Variants in PCDH15 observed in about 807,000 individuals in gnomAD.
The protein encoded by PCDH15 is protocadherin-15.
PCDH15 carries 129 observed loss-of-function variants against 178.5 expected under a neutral mutation model. That is an observed-to-expected ratio of 0.72 (90% CI 0.63 to 0.84). PCDH15 has a LOEUF of 0.84. Ranked by LOEUF, PCDH15 falls within the 40% of genes least tolerant of loss-of-function variation. PCDH15 has a pLI of 0.00. For missense variants in PCDH15, 2,230 were observed against 2,099.9 expected, an observed-to-expected ratio of 1.06 and a Z score of -1.21; for synonymous variants, 800 against 732.0, an observed-to-expected ratio of 1.09 and a Z score of -1.50.
intron 2 of PCDH15, among the ~76,000 whole-genome samples, chr10:55,004,498 C>A (rs1839875217): frequency 6.6e-6 from 1 of 152,152 alleles, no homozygotes; most frequent in Admixed American, 6.5e-5. Flanking sequence ...AGAATTGAAA[C>A]CTACCAGATC....
intron 23 of PCDH15, among the ~76,000 whole-genome samples, chr10:53,949,061 T>G (rs1036720675): frequency 6.6e-6 from 1 of 152,240 alleles, no homozygotes; most frequent in Non-Finnish European, 1.5e-5. Context: ...CTGTTTGGAC[T>G]TGAGTCCTTT....
At chr10:54,421,862 T>TACACACACTATATATATATATACAC (rs1955482482) in intron 3 of PCDH15, among the ~76,000 whole-genome samples, 1 of 113,976 alleles carries the variant, frequency 8.8e-6, no homozygotes, top group Admixed American at 8.9e-5. Context: ...TATATATATA[T>TACACACACTATATATATATATACAC]ACACACACTA....
At chr10:54,845,445 A>AT (rs1325626614) in intron 3 of PCDH15, among the ~76,000 whole-genome samples, 1 of 152,048 alleles carries the variant, frequency 6.6e-6, no homozygotes, top group Non-Finnish European at 1.5e-5. Context: ...CATGTTTTGG[A>AT]TTTTTCTCTA....
At chr10:54,927,469 G>A (rs1837661739) in intron 2 of PCDH15, among the ~76,000 whole-genome samples, 1 of 152,070 alleles carries the variant, frequency 6.6e-6, no homozygotes, top group Non-Finnish European at 1.5e-5. Context: ...CTAATGCTGA[G>A]TTCAGGTCCT....
chr10:55,250,883 A>C (rs927963197), intron 1 of PCDH15, among the ~76,000 whole-genome samples: 1 of 152,018 alleles, frequency 6.6e-6, no homozygotes, highest in South Asian at 2.1e-4. Flanking sequence ...TTTGCTTTCT[A>C]TACATATCAT....
intron 2 of PCDH15, among the ~76,000 whole-genome samples, chr10:55,093,443 A>T (rs1228367634): frequency 6.6e-6 from 1 of 151,980 alleles, no homozygotes; most frequent in Non-Finnish European, 1.5e-5. Flanking sequence ...GTTCACTCTG[A>T]TGGTAATTTC....
chr10:55,186,856 A>C (rs1395216108), intron 1 of PCDH15, among the ~76,000 whole-genome samples: 1 of 151,726 alleles, frequency 6.6e-6, no homozygotes, highest in Non-Finnish European at 1.5e-5. Flanking sequence ...TTCAGTACTT[A>C]GTTGGTAAAA....
intron 2 of PCDH15, among the ~76,000 whole-genome samples, chr10:55,385,458 A>G (rs564606023): frequency 1.3e-5 from 2 of 152,154 alleles, no homozygotes; most frequent in East Asian, 3.9e-4. Flanking sequence ...CCAAATGACA[A>G]CAATTTAGTT....
intron 15 of PCDH15, among the ~76,000 whole-genome samples, chr10:54,116,566 C>T (rs2095116883): frequency 6.6e-6 from 1 of 152,158 alleles, no homozygotes; most frequent in African/African-American, 2.4e-5. Flanking sequence ...GAAGCAACAT[C>T]CTTCAGAGTA....
At chr10:54,865,209 T>C (rs1157343810) in intron 3 of PCDH15, among the ~76,000 whole-genome samples, 1 of 152,170 alleles carries the variant, frequency 6.6e-6, no homozygotes, top group South Asian at 2.1e-4. Context: ...TCCAATCAGC[T>C]GCCAGTGTGG....
intron 1 of PCDH15, among the ~76,000 whole-genome samples, chr10:54,763,188 A>C (rs1208249773): frequency 6.6e-6 from 1 of 152,132 alleles, no homozygotes; most frequent in Non-Finnish European, 1.5e-5. Context: ...ATAAACACAA[A>C]GGGTAATACC....
intron 1 of PCDH15, among the ~76,000 whole-genome samples, chr10:54,779,503 CAT>C (rs1406578428): frequency 8.6e-5 from 12 of 139,524 alleles, no homozygotes; most frequent in Admixed American, 4.3e-4. Flanking sequence ...TATATACACA[CAT>C]ATATGTGTGT....
chr10:54,760,256 C>A (rs1337869596), intron 1 of PCDH15, among the ~76,000 whole-genome samples: 1 of 151,918 alleles, frequency 6.6e-6, no homozygotes, highest in Non-Finnish European at 1.5e-5. Context: ...AAGCAGATAA[C>A]TGACCACATT....
intron 1 of PCDH15, among the ~76,000 whole-genome samples, chr10:55,309,391 CT>C (rs2132286855): frequency 6.6e-6 from 1 of 152,064 alleles, no homozygotes; most frequent in South Asian, 2.1e-4. Flanking sequence ...GTGGCATGTG[CT>C]TGTATTCTCA....
chr10:54,796,268 A>ATCTATCTATCTATCTG (rs1554796123), intron 1 of PCDH15, among the ~76,000 whole-genome samples: 2,730 of 120,910 alleles, frequency 0.023, 32 homozygotes, highest in African/African-American at 0.034. Context: ...CTATCTATCT[A>ATCTATCTATCTATCTG]TCTATGTATC....
intron 18 of PCDH15, among the ~76,000 whole-genome samples, chr10:54,064,498 C>A (rs1032769985): frequency 2.6e-5 from 4 of 152,282 alleles, no homozygotes; most frequent in Non-Finnish European, 4.4e-5. Flanking sequence ...CACTTTCCAC[C>A]CAGGAGCCTG....
chr10:54,397,819 A>G (rs2135428333), intron 3 of PCDH15, among the ~76,000 whole-genome samples: 1 of 152,090 alleles, frequency 6.6e-6, no homozygotes, highest in South Asian at 2.1e-4. Flanking sequence ...CAAATGTTTT[A>G]TTCATTATTA....
At chr10:55,220,198 A>T (rs1267501640) in intron 1 of PCDH15, among the ~76,000 whole-genome samples, 1 of 152,040 alleles carries the variant, frequency 6.6e-6, no homozygotes, top group Non-Finnish European at 1.5e-5. Context: ...CAAACATTGC[A>T]GTGTAGTACA....
At chr10:54,524,071 C>T (rs577533266) in intron 3 of PCDH15, among the ~76,000 whole-genome samples, 1 of 151,998 alleles carries the variant, frequency 6.6e-6, no homozygotes, top group Admixed American at 6.6e-5. Flanking sequence ...CCTCTTACAT[C>T]GATAAATTTC....
Sources: allele counts gnomAD v4.1 joint callset (sites outside exome capture counted in the v4.1 genomes callset), GRCh38; gene constraint gnomAD v4.1.1; transcripts MANE v1.5; gene names NCBI Gene and HGNC (gene_info 2026-07-23, HGNC 2026-07-21).